Variants in SDK1 observed in about 807,000 individuals in gnomAD.
SDK1 encodes the protein sidekick cell adhesion molecule 1.
SDK1 carries 157 observed loss-of-function variants against 245.5 expected under a neutral mutation model. The ratio of observed to expected loss-of-function variants is 0.64; its 90% CI spans 0.56 to 0.73. SDK1 has a LOEUF of 0.73. SDK1 is among the 30% of genes least tolerant of loss of function. The pLI, the probability that SDK1 is intolerant of heterozygous loss-of-function variation, is 0.00. For synonymous variants in SDK1, 1,647 were observed against 1,278.5 expected, an observed-to-expected ratio of 1.29 and a Z score of -6.15; for missense variants, 3,583 against 3,002.3, an observed-to-expected ratio of 1.19 and a Z score of -4.52.
At chr7:3,742,883 A>G (rs566711857) in intron 4 of SDK1, among the ~76,000 whole-genome samples, 1 of 152,322 alleles carries the variant, frequency 6.6e-6, no homozygotes, top group East Asian at 1.9e-4. Context: ...TATGTTAGAA[A>G]GGAATTTTTG....
chr7:3,418,397 G>A (rs908351489), intron 1 of SDK1, among the ~76,000 whole-genome samples: 1 of 152,122 alleles, frequency 6.6e-6, no homozygotes, highest in Non-Finnish European at 1.5e-5. Flanking sequence ...TCACTTCACT[G>A]CAAAGAGTCA....
At chr7:3,483,261 T>C (rs1279042285) in intron 1 of SDK1, among the ~76,000 whole-genome samples, 6 of 152,206 alleles carry the variant, frequency 3.9e-5, no homozygotes, top group South Asian at 2.1e-4. Flanking sequence ...TATTCAGGCT[T>C]CTTTTATGTC....
chr7:3,403,870 AT>A (rs1778977370), intron 1 of SDK1, among the ~76,000 whole-genome samples: 3 of 84,750 alleles, frequency 3.5e-5, no homozygotes, highest in African/African-American at 9.9e-5. Flanking sequence ...TATATATATA[AT>A]ATATATATTT....
At chr7:3,987,842 C>G (rs1332365504) in intron 14 of SDK1, among the ~76,000 whole-genome samples, 1 of 152,152 alleles carries the variant, frequency 6.6e-6, no homozygotes, top group Non-Finnish European at 1.5e-5. Flanking sequence ...AGCCTTGGCT[C>G]TCCTCCAGCC....
At chr7:3,532,148 T>C (rs1277331398) in intron 1 of SDK1, among the ~76,000 whole-genome samples, 3 of 152,190 alleles carry the variant, frequency 2.0e-5, no homozygotes, top group African/African-American at 7.2e-5. Flanking sequence ...TAAAATTTGA[T>C]CTGTTTTCTG....
chr7:4,006,985 C>G (rs1386905899), intron 14 of SDK1, among the ~76,000 whole-genome samples: 1 of 152,260 alleles, frequency 6.6e-6, no homozygotes, highest in African/African-American at 2.4e-5. Flanking sequence ...CCTCAGTCAC[C>G]TGGTTTCAAC....
chr7:3,687,983 A>C (rs1246258974), intron 4 of SDK1, among the ~76,000 whole-genome samples: 1 of 152,140 alleles, frequency 6.6e-6, no homozygotes, highest in Non-Finnish European at 1.5e-5. Context: ...GGCACCCTCA[A>C]AGATTATTAG....
At chr7:4,074,856 T>TTCTCTCTCTCTCTCTCTCTC (rs1159856321) in intron 20 of SDK1, among the ~76,000 whole-genome samples, 8 of 72,342 alleles carry the variant, frequency 1.1e-4, no homozygotes, top group African/African-American at 7.6e-4. Flanking sequence ...GAGCAAGACT[T>TTCTCTCTCTCTCTCTCTCTC]TCTCTCTCTC....
chr7:4,071,200 T>G (rs940453735), intron 20 of SDK1, among the ~76,000 whole-genome samples: 33 of 151,824 alleles, frequency 2.2e-4, no homozygotes, highest in African/African-American at 7.5e-4. Flanking sequence ...AATTTTTGTA[T>G]TTTTAGTAGA....
chr7:3,524,302 T>G (rs1172393445), intron 1 of SDK1, among the ~76,000 whole-genome samples: 1 of 152,168 alleles, frequency 6.6e-6, no homozygotes, highest in African/African-American at 2.4e-5. Context: ...AACAAAATCC[T>G]ACTTAGGTTT....
chr7:3,984,808 A>G (rs892259767), intron 13 of SDK1, among the ~76,000 whole-genome samples: 41 of 152,184 alleles, frequency 2.7e-4, no homozygotes, highest in Non-Finnish European at 4.7e-4. Context: ...ACGGCTTCCA[A>G]TGAGCTGCCC....
chr7:3,494,544 A>G (rs1028764466), intron 1 of SDK1, among the ~76,000 whole-genome samples: 23 of 152,234 alleles, frequency 1.5e-4, no homozygotes, highest in African/African-American at 5.5e-4. Flanking sequence ...GATGTTATGT[A>G]TGAAGTGTGG....
At chr7:3,697,907 T>A (rs956207733) in intron 4 of SDK1, among the ~76,000 whole-genome samples, 1 of 152,184 alleles carries the variant, frequency 6.6e-6, no homozygotes, top group Non-Finnish European at 1.5e-5. Flanking sequence ...AGCTAAAAAC[T>A]GTGAACATTA....
chr7:3,807,999 C>T (rs909384771), intron 4 of SDK1, among the ~76,000 whole-genome samples: 1 of 152,162 alleles, frequency 6.6e-6, no homozygotes, highest in Non-Finnish European at 1.5e-5. Context: ...TTGGTGCTGT[C>T]AGTCAAGCAT....
intron 13 of SDK1, among the ~76,000 whole-genome samples, chr7:3,980,299 T>G (rs770045075): frequency 8.5e-4 from 130 of 152,228 alleles, no homozygotes; most frequent in Non-Finnish European, 1.5e-3. Context: ...TGGGTTTCCG[T>G]TACTGTTGTT....
chr7:3,965,949 G>A (rs771141443), intron 9 of SDK1, among the ~76,000 whole-genome samples: 2 of 151,952 alleles, frequency 1.3e-5, no homozygotes, highest in Admixed American at 6.6e-5. Context: ...TTGGGGCTCA[G>A]TGACAAGCAG....
At chr7:4,132,264 C>G (rs1784880021) in intron 27 of SDK1, 61 bp from the exon 28 acceptor site, 15 of 1,334,428 alleles carry the variant, frequency 1.1e-5, no homozygotes, top group Non-Finnish European at 1.5e-5. Flanking sequence ...TCCTGTGTAA[C>G]CTGTCACGCA....
intron 22 of SDK1, among the ~76,000 whole-genome samples, chr7:4,106,976 C>G (rs993577558): frequency 6.6e-6 from 1 of 151,960 alleles, no homozygotes. Flanking sequence ...GGAAAGCAGC[C>G]AGACAGACTG....
At chr7:4,225,301 A>T (rs1040159517) in intron 40 of SDK1, among the ~76,000 whole-genome samples, 2 of 152,138 alleles carry the variant, frequency 1.3e-5, no homozygotes, top group African/African-American at 4.8e-5. Context: ...AACTACCTCA[A>T]AATGATATGT....
Sources: gnomAD v4.1 joint callset for allele counts (sites outside exome capture counted in the v4.1 genomes callset) on GRCh38, gnomAD v4.1.1 for gene constraint, MANE v1.5 for transcripts, NCBI Gene and HGNC (gene_info 2026-07-23, HGNC 2026-07-21) for gene names.